DIAPH2: variants seen among roughly 807,000 people sequenced by gnomAD.
DIAPH2 encodes the protein diaphanous related formin 2, also known as protein diaphanous homolog 2.
A neutral mutation model predicts 92.7 loss-of-function variants in DIAPH2; 35 were observed. The ratio of observed to expected loss-of-function variants is 0.38; its 90% CI spans 0.29 to 0.50. The LOEUF (loss-of-function observed/expected upper bound fraction) is 0.50. Among genes scored for constraint, DIAPH2 ranks in the 20% least tolerant of loss-of-function variants. The pLI is 0.94. For synonymous variants in DIAPH2, 301 were observed against 280.4 expected, an observed-to-expected ratio of 1.07 and a Z score of -0.73; for missense variants, 701 against 819.5, an observed-to-expected ratio of 0.86 and a Z score of 1.77.
intron 17 of DIAPH2, among the ~76,000 whole-genome samples, chrX:97,016,700 T>A (rs1202652781): frequency 8.9e-6 from 1 of 112,432 alleles, no homozygotes; most frequent in Non-Finnish European, 1.9e-5. Context: ...CAAAAGGAGC[T>A]GCCCAATTCT....
At chrX:97,115,635 G>A (rs2067011647) in intron 21 of DIAPH2, among the ~76,000 whole-genome samples, 1 of 111,728 alleles carries the variant, frequency 9.0e-6, no homozygotes, top group Non-Finnish European at 1.9e-5. Context: ...AATTTAATGA[G>A]ATAAATAGCC....
intron 5 of DIAPH2, among the ~76,000 whole-genome samples, chrX:96,893,241 G>A (rs958902208): frequency 3.6e-5 from 4 of 111,388 alleles, no homozygotes; most frequent in Non-Finnish European, 7.5e-5. Flanking sequence ...AAAGGAGGTG[G>A]AACTTTTCCA....
At position 97,494,766 on chromosome X, in the gene DIAPH2, C is replaced by T. The variant is rs759049932; in HGVS notation, c.3241+65021C>T. On this transcript the variant is annotated intron_variant, in intron 26 of 26. Transcript: ENST00000324765. ...TTTACCCCTAGCACAATTCATAGAG[C>T]CATGCTAATGTCTTCTGAGGCAGGA... Among the ~76,000 whole-genome samples, 9 of 112,220 alleles carry T rather than the reference C, an allele frequency of 8.0e-5. No individual in the cohort carries two copies. The East Asian group carries it at 2.5e-3, about 31-fold the overall frequency.
intron 22 of DIAPH2, among the ~76,000 whole-genome samples, chrX:97,205,156 C>T (rs1283519359): frequency 1.8e-5 from 2 of 112,100 alleles, no homozygotes; most frequent in Admixed American, 9.5e-5. Context: ...CTTCCTTACA[C>T]CTTATACAAA....
At position 97,601,098 on chromosome X, in the gene DIAPH2, C is replaced by CAACA. The variant is rs1210195120; in HGVS notation, c.*1784_*1787dup. The CAACA allele has an allele frequency of 8.9e-6, 1 of 112,308 alleles. No homozygotes were observed. The highest frequency in any genetic ancestry group is 1.9e-5 in the Non-Finnish European group (1 of 53,164). 9.3% of individuals were successfully genotyped at this position (112,308 alleles called of 1,213,427 possible). Reference sequence around the variant, plus strand: ...TAGCAGTAACACTGTTTTTTAACAACAACAAAAGTTTAGGTTCTAATTTAT... The same window carrying CAACA: ...TAGCAGTAACACTGTTTTTTAACAACAACAAACAAAAGTTTAGGTTCTAATTTAT... On this transcript the variant is annotated 3_prime_UTR_variant, in exon 27 of 27. Transcript: ENST00000324765.
intron 22 of DIAPH2, among the ~76,000 whole-genome samples, chrX:97,182,327 G>A (rs1003399468): frequency 2.7e-5 from 3 of 112,069 alleles, no homozygotes; most frequent in African/African-American, 9.7e-5. Flanking sequence ...ATAGTACTGA[G>A]AGAAATCCTG....
intron 19 of DIAPH2, among the ~76,000 whole-genome samples, chrX:97,076,287 T>C (rs972652354): frequency 3.6e-5 from 4 of 111,835 alleles, no homozygotes; most frequent in African/African-American, 1.3e-4. Context: ...ATCCCAACAC[T>C]GTGGGAGGCT....
chrX:97,002,811 C>A (rs1311101273), intron 17 of DIAPH2, among the ~76,000 whole-genome samples: 1 of 111,297 alleles, frequency 9.0e-6, no homozygotes, highest in Non-Finnish European at 1.9e-5. Flanking sequence ...TAATTATAAT[C>A]TTTTAGTTAT....
chrX:96,739,630 G>C (rs984010590), intron 3 of DIAPH2, among the ~76,000 whole-genome samples: 1 of 111,822 alleles, frequency 8.9e-6, no homozygotes, highest in Non-Finnish European at 1.9e-5. Context: ...ACCTAGAAGA[G>C]TTAGTAGGCC....
chrX:97,417,389 C>T (rs369207036), intron 25 of DIAPH2, among the ~76,000 whole-genome samples: 1 of 109,242 alleles, frequency 9.2e-6, no homozygotes, highest in Non-Finnish European at 1.9e-5. Flanking sequence ...CACACACACA[C>T]ACACACACAT....
chrX:97,141,809 A>G lies in DIAPH2; in HGVS notation c.2719+15A>G. ...TGCAAGCAAAGGTAATTGATTTATA[A>G]CTACTTTGAGATTATCTCTTGCCTA... On this transcript the variant is annotated intron_variant, in intron 22 of 26. Transcript: ENST00000324765. 1 of 1,196,126 alleles carries G rather than the reference A, an allele frequency of 8.4e-7. No individual in the cohort carries two copies. Among genetic ancestry groups the G allele is most frequent in the Non-Finnish European group, 1.1e-6 (1 of 887,919 alleles).
At chrX:97,391,560 T>C (rs1269774308) in intron 25 of DIAPH2, among the ~76,000 whole-genome samples, 5 of 111,508 alleles carry the variant, frequency 4.5e-5, no homozygotes, top group Non-Finnish European at 9.4e-5. Context: ...GAGAGTTCCC[T>C]GGATAAAGTA....
intron 5 of DIAPH2, among the ~76,000 whole-genome samples, chrX:96,906,247 A>C (rs965564870): frequency 1.8e-5 from 2 of 112,979 alleles, no homozygotes; most frequent in Non-Finnish European, 3.7e-5. Context: ...GATGACAGGC[A>C]TGACACTGTG....
At chrX:96,912,432 C>T in intron 6 of DIAPH2, 30 bp downstream of exon 6, 1 of 1,198,235 alleles carries the variant, frequency 8.3e-7, no homozygotes, top group African/African-American at 1.7e-5. Flanking sequence ...TTAAAATCAC[C>T]AAAGGGAAAA....
At chrX:96,940,425 C>T (rs1287235478) in intron 12 of DIAPH2, among the ~76,000 whole-genome samples, 1 of 111,875 alleles carries the variant, frequency 8.9e-6, no homozygotes, top group Non-Finnish European at 1.9e-5. Context: ...TATCCACAGA[C>T]TGGTGACCAT....
intron 4 of DIAPH2, among the ~76,000 whole-genome samples, chrX:96,812,095 G>A (rs769694848): frequency 8.9e-6 from 1 of 111,819 alleles, no homozygotes; most frequent in African/African-American, 3.2e-5. Context: ...AGAAGGAATG[G>A]TACCAGCTCC....
rs912018282 is a variant in DIAPH2 at position 97,398,314 on chromosome X, G to A, written c.3145+14270G>A. On this transcript the variant is annotated intron_variant, in intron 25 of 26. Coordinates refer to ENST00000324765, the MANE Select transcript of DIAPH2 (RefSeq NM_006729.5). ...AAGGGCTATCTGATCATGTTTTGAG[G>A]GGAAATCGAGATTGAGCTATAGAGA... Among the ~76,000 whole-genome samples the A allele has an allele frequency of 3.6e-5, 4 of 111,648 alleles. No homozygotes were observed. The East Asian group carries it at 1.1e-3, about 31-fold the overall frequency.
intron 20 of DIAPH2, among the ~76,000 whole-genome samples, chrX:97,108,703 A>G (rs2066959182): frequency 8.9e-6 from 1 of 112,133 alleles, no homozygotes; most frequent in African/African-American, 3.2e-5. Context: ...CTCCTACATC[A>G]TCTCTTGATT....
intron 21 of DIAPH2, among the ~76,000 whole-genome samples, chrX:97,132,449 T>C (rs756272679): frequency 8.8e-4 from 99 of 112,164 alleles, no homozygotes; most frequent in Middle Eastern, 4.6e-3. Flanking sequence ...TTTATGGTAA[T>C]TGCAATCTTT....
Sources: allele counts gnomAD v4.1 joint callset (sites outside exome capture counted in the v4.1 genomes callset), GRCh38; gene constraint gnomAD v4.1.1; transcripts MANE v1.5; gene names NCBI Gene and HGNC (gene_info 2026-07-23, HGNC 2026-07-21).